BRPF1: variants seen among roughly 807,000 people sequenced by gnomAD.
BRPF1 encodes the protein peregrin.
A neutral mutation model predicts 115.0 loss-of-function variants in BRPF1; 15 were observed. The observed-to-expected ratio is 0.13, with a 90% CI of 0.09 to 0.20. The LOEUF is 0.20. Ranked by LOEUF, BRPF1 falls within the 10% of genes least tolerant of loss-of-function variation. The pLI, the probability that BRPF1 is intolerant of heterozygous loss-of-function variation, is 1.00. For synonymous variants in BRPF1, 647 were observed against 619.8 expected (o/e 1.04, Z -0.65); for missense variants, 1,118 against 1,638.3 (o/e 0.68, Z 5.48).
At chr3:9,737,607 G>A (rs188417256) in intron 2 of BRPF1, among the ~76,000 whole-genome samples, 4 of 152,322 alleles carry the variant, frequency 2.6e-5, no homozygotes, top group African/African-American at 7.2e-5. Flanking sequence ...GAGGAGAAAC[G>A]AGCTAATGTT....
rs1329994592 is a variant in BRPF1, at chr3:9,739,167, G to A, written c.768G>A (p.Ser256=). ...TAATGGACCGACTGGAGAAGGAGTCGTACTTTGAGAGTCATAATAAAGGCG... is the reference window on the plus strand; with the variant it reads ...TAATGGACCGACTGGAGAAGGAGTCATACTTTGAGAGTCATAATAAAGGCG... ...EYLMDRLEKE[S]YFESHNKGDP... is the part of the protein sequence containing the mutation. Residue 256 remains serine, a synonymous_variant, in exon 3 of 14, where the codon TCG becomes TCA. Transcript: ENST00000383829. 8 of 1,613,814 alleles carry A rather than the reference G, an allele frequency of 5.0e-6. No individual in the cohort carries two copies. The highest frequency in any genetic ancestry group is 3.3e-5 in the Admixed American group (2 of 59,972).
rs771471358 is a variant in BRPF1, at chr3:9,734,537, GGCA to G, written c.401_403del (p.Ser134del). The G allele has an allele frequency of 3.1e-6, 5 of 1,613,990 alleles. No homozygotes were observed. The highest frequency in any genetic ancestry group is 4.2e-6 in the Non-Finnish European group (5 of 1,180,032). The stretch of plus-strand genomic sequence containing the variant: ...AGCCCCCGAGGAGGCCCCTGAGAAT[GGCA>G]GCAACAAGGAGAACACTGAGACACC... On this transcript the variant is annotated inframe_deletion, in exon 2 of 14. Coordinates refer to ENST00000383829, the MANE Select transcript of BRPF1 (RefSeq NM_001003694.2). This position sits in a 1 kb window ranked among gnomAD's most constrained non-coding sequence, Gnocchi z 5.7.
At chr3:9,742,336 C>A in intron 6 of BRPF1, 165 bp downstream of exon 6, 2 of 985,356 alleles carry the variant, frequency 2.0e-6, no homozygotes, top group Non-Finnish European at 2.4e-6. Flanking sequence ...CTGTCTTGTC[C>A]CTGTCACACC....
At chr3:9,740,673 C>A (rs1416848650) in intron 3 of BRPF1, 106 bp from the exon 4 acceptor site, 9 of 1,389,950 alleles carry the variant, frequency 6.5e-6, no homozygotes, top group Non-Finnish European at 9.0e-6. Context: ...GACAAGAGAT[C>A]CTCTCCCTTC....
At position 9,744,233 on chromosome 3, in the gene BRPF1, C is replaced by T; in HGVS notation, c.2645C>T (p.Pro882Leu). Residue 882 changes from proline (P) to leucine (L), a missense_variant, in exon 9 of 14, where the codon CCC becomes CTC. Coordinates refer to ENST00000383829, the MANE Select transcript of BRPF1 (RefSeq NM_001003694.2). ...SSQETSKGLGPNMSSTPAHEV... is the reference protein window; with the variant it reads ...SSQETSKGLGLNMSSTPAHEV... ...TCTTTCTCTGCTCCAGGCCTGGGTC[C>T]CAACATGTCCTCAACCCCCGCACAT... is the stretch of plus-strand genomic sequence containing the variant. 2.0e-6 allele frequency: 3 copies of T among 1,536,876 alleles called. No homozygotes were observed. Among genetic ancestry groups the T allele is most frequent in the Non-Finnish European group, 2.6e-6 (3 of 1,143,098 alleles).
chr3:9,745,981 T>C lies in BRPF1; in HGVS notation c.3324+51T>C, dbSNP rs774302385. The C allele has an allele frequency of 3.2e-5, 50 of 1,564,134 alleles. No homozygotes were observed. The highest frequency in any genetic ancestry group is 4.1e-5 in the Non-Finnish European group (47 of 1,147,444). On this transcript the variant is annotated intron_variant, in intron 12 of 13. Coordinates refer to ENST00000383829, the MANE Select transcript of BRPF1 (RefSeq NM_001003694.2). This position sits in a 1 kb window ranked among gnomAD's most constrained non-coding sequence, Gnocchi z 5.1. ...TGCTTTCCAATCCCAGAATACAGAT[T>C]CACAGTTAGCAGACTTTTCCTACTC...
Position 9,740,894 on chromosome 3 carries a change from C to T in BRPF1, c.1675C>T (p.Arg559Cys). ...QSRNGVPLLRRLQTHLQSQRN... is the reference protein window; with the variant it reads ...QSRNGVPLLRCLQTHLQSQRN... ...ACGGAATGGGGTCCCATTGCTACGTCGCCTGCAGACACACCTGCAATCTCA... is the reference window on the plus strand; with the variant it reads ...ACGGAATGGGGTCCCATTGCTACGTTGCCTGCAGACACACCTGCAATCTCA... Residue 559 changes from arginine (R) to cysteine (C), a missense_variant, in exon 4 of 14, where the codon CGC becomes TGC. Arg to Cys is a radical substitution (Grantham distance 180). Transcript: ENST00000383829. 1.2e-6 allele frequency: 2 copies of T among 1,613,844 alleles called. No homozygotes were observed. Among genetic ancestry groups the T allele is most frequent in the South Asian group, 1.1e-5 (1 of 91,082 alleles).
At chr3:9,737,391 C>CACTT (rs1315380699) in intron 2 of BRPF1, among the ~76,000 whole-genome samples, 8 of 152,358 alleles carry the variant, frequency 5.3e-5, no homozygotes, top group South Asian at 4.1e-4. Flanking sequence ...CTGTCCTAAG[C>CACTT]ACTTTACCTG....
At chr3:9,738,835 A>G (rs1346002081) in intron 2 of BRPF1, among the ~76,000 whole-genome samples, 164 bp from the exon 3 acceptor site, 2 of 152,232 alleles carry the variant, frequency 1.3e-5, no homozygotes, top group Non-Finnish European at 2.9e-5. Flanking sequence ...CAAAATAGAA[A>G]CGATGATAGT....
rs1219754680 is a variant in BRPF1 at position 9,742,069 on chromosome 3, C to A, written c.1899C>A (p.Phe633Leu). The A allele has an allele frequency of 6.2e-7, 1 of 1,614,200 alleles. No individual in the cohort carries two copies. The highest frequency in any genetic ancestry group is 1.1e-5 in the South Asian group (1 of 91,084). The stretch of plus-strand genomic sequence containing the variant: ...CCATGGAGATGCAGCTGACTCCTTT[C>A]CTCATCCTCCTTCGCAAAACCTTGG... The part of the protein sequence containing the change: ...QIAMEMQLTP[F>L]LILLRKTLEQ... The change falls in exon 6 of 14, where the codon TTC becomes TTA. Residue 633 changes from phenylalanine to leucine, a missense_variant. Coordinates refer to ENST00000383829, the MANE Select transcript of BRPF1 (RefSeq NM_001003694.2).
At position 9,743,022 on chromosome 3, in the gene BRPF1, C is replaced by T. The variant is rs748816780; in HGVS notation, c.2080C>T (p.Leu694=). ...MKQNLEAYRY[L]NFDDFEEDFN... ...GCAGAACTTGGAGGCTTACCGCTACCTGAATTTTGATGATTTTGAGGAGGA... is the reference window on the plus strand; with the variant it reads ...GCAGAACTTGGAGGCTTACCGCTACTTGAATTTTGATGATTTTGAGGAGGA... Residue 694 remains leucine, a synonymous_variant, in exon 7 of 14, where the codon CTG becomes TTG. Transcript: ENST00000383829. This position sits in a 1 kb window ranked among gnomAD's most constrained non-coding sequence, Gnocchi z 6.1. 2 of 1,614,234 alleles carry T rather than the reference C, an allele frequency of 1.2e-6. No homozygotes were observed. The highest frequency in any genetic ancestry group is 2.2e-5 in the South Asian group (2 of 91,086).
intron 2 of BRPF1, among the ~76,000 whole-genome samples, chr3:9,736,843 A>G (rs1184569347): frequency 6.6e-6 from 1 of 152,124 alleles, no homozygotes; most frequent in Non-Finnish European, 1.5e-5. Flanking sequence ...GCATTCTAAT[A>G]TGCTTCCTTG....
chr3:9,746,359 G>A lies in BRPF1; in HGVS notation c.3384G>A (p.Val1128=), dbSNP rs1204994487. ...TCCACCATGGGGTTCCCATCCCTGT[G>A]CCCCCACTGGAGGTGCTGAAACTTG... The part of the protein sequence containing the change: ...GMFHHGVPIP[V]PPLEVLKLGE... The change falls in exon 13 of 14, where the codon GTG becomes GTA. Residue 1128 remains valine (V), a synonymous_variant. Transcript: ENST00000383829. 2.5e-6 allele frequency: 4 copies of A among 1,607,862 alleles called. No homozygotes were observed. The African/African-American group carries it at 5.4e-5, about 22-fold the overall frequency.
At chr3:9,741,005 G>GC in intron 4 of BRPF1, 64 bp downstream of exon 4, 1 of 1,524,746 alleles carries the variant, frequency 6.6e-7, no homozygotes. Flanking sequence ...ACCAAAATTT[G>GC]CAACTGTAGT....
chr3:9,740,306 G>C (rs189615355), intron 3 of BRPF1, among the ~76,000 whole-genome samples: 17 of 152,200 alleles, frequency 1.1e-4, no homozygotes, highest in African/African-American at 3.9e-4. Context: ...AATGAAAAGC[G>C]GGGAAGGGGA....
At position 9,744,990 on chromosome 3, in the gene BRPF1, C is replaced by T; in HGVS notation, c.2921-18C>T. On this transcript the variant is annotated intron_variant, in intron 9 of 13. Transcript: ENST00000383829. Reference sequence around the variant, plus strand: ...TTCCTGACCGGTTCCTTCCCTCCTCCCCTTCCCTTCAACCAAGACTTACCA... The same window carrying T: ...TTCCTGACCGGTTCCTTCCCTCCTCTCCTTCCCTTCAACCAAGACTTACCA... 6.2e-7 allele frequency: 1 copy of T among 1,614,190 alleles called. No homozygotes were observed. Among genetic ancestry groups the T allele is most frequent in the Non-Finnish European group, 8.5e-7 (1 of 1,180,022 alleles).
chr3:9,741,203 G>A lies in BRPF1; in HGVS notation c.1723-105G>A. The A allele has an allele frequency of 2.9e-6, 4 of 1,374,896 alleles. No individual in the cohort carries two copies. In the Admixed American group the frequency reaches 6.9e-5, roughly 24 times the overall value. 85.2% of individuals were successfully genotyped at this position (1,374,896 alleles called of 1,614,324 possible). On this transcript the variant is annotated intron_variant, in intron 4 of 13. Transcript: ENST00000383829. ...ATTGAGGCACTACCAATAAATTACT[G>A]TGCTCCCTCTTTTGGCTTGACCTGA... is the stretch of plus-strand genomic sequence containing the variant.
Position 9,744,429 on chromosome 3 carries a change from G to A in BRPF1, c.2841G>A (p.Gln947=). 1 of 1,610,632 alleles carries A rather than the reference G, an allele frequency of 6.2e-7. No individual in the cohort carries two copies. Among genetic ancestry groups the A allele is most frequent in the Non-Finnish European group, 8.5e-7 (1 of 1,178,610 alleles). The change falls in exon 9 of 14, where the codon CAG becomes CAA. Residue 947 remains glutamine, a synonymous_variant. Coordinates refer to ENST00000383829, the MANE Select transcript of BRPF1 (RefSeq NM_001003694.2). ...TCCCCATCATGAGTTCCCTGCGTCA[G>A]CGCAAGCGGGGTAGGAGCCCCCGGC... ...PQLPIMSSLR[Q]RKRGRSPRPS... is the part of the protein sequence containing the mutation.
At chr3:9,736,004 A>ATTTTTTTT (rs34061910) in intron 2 of BRPF1, among the ~76,000 whole-genome samples, 8 of 89,268 alleles carry the variant, frequency 9.0e-5, no homozygotes, top group Non-Finnish European at 1.4e-4. Flanking sequence ...TTAAACCTCC[A>ATTTTTTTT]TTTTTTTTTT....
Sources: gnomAD v4.1 joint callset for allele counts (sites outside exome capture counted in the v4.1 genomes callset) on GRCh38, gnomAD v4.1.1 for gene constraint, Gnocchi (gnomAD v3.1) non-coding constraint, MANE v1.5 for transcripts, NCBI Gene and HGNC (gene_info 2026-07-23, HGNC 2026-07-21) for gene names.